Variants in PKD1L1 observed in about 807,000 individuals in gnomAD.
The protein encoded by PKD1L1 is polycystin 1 like 1, transient receptor potential channel interacting.
Under a neutral mutation model 323.4 loss-of-function variants are expected in PKD1L1, and 236 were observed. That is an observed-to-expected ratio of 0.73 (90% CI 0.66 to 0.81). The LOEUF (loss-of-function observed/expected upper bound fraction) is 0.81, where lower values mean the gene tolerates loss of function less well. Among genes scored for constraint, PKD1L1 ranks in the 40% least tolerant of loss-of-function variants. The pLI, the probability that PKD1L1 is intolerant of heterozygous loss-of-function variation, is 0.00. For synonymous variants in PKD1L1, 1,344 were observed against 1,335.0 expected (o/e 1.01, Z -0.15); for missense variants, 3,320 against 3,508.0 (o/e 0.95, Z 1.35).
chr7:47,890,712 G>A lies in PKD1L1; in HGVS notation c.2505C>T (p.Asp835=). The A allele has an allele frequency of 6.2e-7, 1 of 1,613,432 alleles. No individual in the cohort carries two copies. Among genetic ancestry groups the A allele is most frequent in the Non-Finnish European group, 8.5e-7 (1 of 1,180,042 alleles). The change falls in exon 16 of 57, where the codon GAC becomes GAT. Residue 835 remains aspartate, a synonymous_variant. Coordinates refer to ENST00000289672, the MANE Select transcript of PKD1L1 (RefSeq NM_138295.5). ...CATCCAGTTGGTGTGCAGTGGAGGA[G>A]TCGAAGCAGGGATGTGCTGGGGAGC... ...TAGSPAHPCF[D]SSTAHQLDAA...
intron 21 of PKD1L1, 107 bp from the exon 22 acceptor site, chr7:47,877,738 TC>T: frequency 7.6e-7 from 1 of 1,322,248 alleles, no homozygotes; most frequent in Non-Finnish European, 1.0e-6. Flanking sequence ...CAAAGTAGGG[TC>T]CCCAGACCAG....
chr7:47,835,937 T>C (rs958057115), intron 37 of PKD1L1, among the ~76,000 whole-genome samples: 1 of 152,158 alleles, frequency 6.6e-6, no homozygotes, highest in Non-Finnish European at 1.5e-5. Context: ...ATGGATGGAA[T>C]CATGGCTACA....
In PKD1L1 at chr7:47,874,846, T is replaced by G. The variant is rs569752969; in HGVS notation, c.3785-836A>C. ...AGTATTTACTATATTGTATTTATTTTGCTTATGTTCGCCCCCTTACAAATC... is the reference window on the plus strand; with the variant it reads ...AGTATTTACTATATTGTATTTATTTGGCTTATGTTCGCCCCCTTACAAATC... On this transcript the variant is annotated intron_variant, in intron 23 of 56. Transcript: ENST00000289672. 2.0e-5 allele frequency among the ~76,000 whole-genome samples: 3 copies of G among 152,340 alleles called. No homozygotes were observed. The South Asian group carries it at 6.2e-4, about 32-fold the overall frequency.
intron 7 of PKD1L1, among the ~76,000 whole-genome samples, chr7:47,923,192 T>TGCGGAAG (rs1038054083): frequency 7.2e-5 from 11 of 152,280 alleles, no homozygotes; most frequent in African/African-American, 2.6e-4. Flanking sequence ...ACACAAACAC[T>TGCGGAAG]GCGGAAGGCG....
At chr7:47,822,605 A>AC (rs1235288887) in intron 45 of PKD1L1, among the ~76,000 whole-genome samples, 12 of 151,182 alleles carry the variant, frequency 7.9e-5, no homozygotes, top group Non-Finnish European at 1.3e-4. Context: ...AAAAAAAAAA[A>AC]AAAAAAAAAA....
chr7:47,874,126 G>C, intron 23 of PKD1L1, 116 bp from the exon 24 acceptor site: 1 of 670,956 alleles, frequency 1.5e-6, no homozygotes, highest in Non-Finnish European at 2.5e-6. Context: ...GCTGACAAAG[G>C]GGCCAGGCTC....
chr7:47,951,133 G>A (rs1043602358), upstream of PKD1L1, among the ~76,000 whole-genome samples: 2 of 152,176 alleles, frequency 1.3e-5, no homozygotes, highest in African/African-American at 4.8e-5. Context: ...ATAAAATTAG[G>A]TAAATGGCTT....
In PKD1L1 at chr7:47,839,391, C is replaced by T; in HGVS notation, c.5769+55G>A. 2 of 1,445,756 alleles carry T rather than the reference C, an allele frequency of 1.4e-6. No individual in the cohort carries two copies. The highest frequency in any genetic ancestry group is 1.9e-6 in the Non-Finnish European group (2 of 1,052,746). 89.6% of individuals were successfully genotyped at this position (1,445,756 alleles called of 1,614,324 possible). A position where few individuals can be genotyped will look rare whatever the true frequency, so the allele number is the denominator to read the frequency against. Reference sequence around the variant, plus strand: ...TGGCAAGCGAAGCAGAGACAGGTGCCATGCTCTGCCGGTCAGCCAGGTGCG... The same window carrying T: ...TGGCAAGCGAAGCAGAGACAGGTGCTATGCTCTGCCGGTCAGCCAGGTGCG... On this transcript the variant is annotated intron_variant, in intron 36 of 56. Coordinates refer to ENST00000289672, the MANE Select transcript of PKD1L1 (RefSeq NM_138295.5). The surrounding 1 kb of genome is among the most constrained non-coding windows in gnomAD (Gnocchi z 4.3).
At position 47,857,722 on chromosome 7, in the gene PKD1L1, T is replaced by A. The variant is rs1785935216; in HGVS notation, c.4473A>T (p.Leu1491Phe). 1 of 1,613,802 alleles carries A rather than the reference T, an allele frequency of 6.2e-7. No homozygotes were observed. The highest frequency in any genetic ancestry group is 1.7e-5 in the Admixed American group (1 of 59,978). ...GACTGTGCCCAGCAAGGTCACCAGG[T>A]AAATGCACCTGGACAGATCCCAGGC... ...VQSLGSVQVH[L>F]PGDLAGHSPA... Residue 1491 changes from leucine (L) to phenylalanine (F), a missense_variant, in exon 28 of 57, where the codon TTA becomes TTT. By Grantham distance (22) the Leu-to-Phe change is conservative. Transcript: ENST00000289672.
Position 47,931,206 on chromosome 7 carries a change from GT to G in PKD1L1, c.634del (p.Thr212LeufsTer71). The G allele has an allele frequency of 6.2e-7, 1 of 1,614,202 alleles. No individual in the cohort carries two copies. Among genetic ancestry groups the G allele is most frequent in the Non-Finnish European group, 8.5e-7 (1 of 1,180,038 alleles). On this transcript the variant is annotated frameshift_variant, in exon 6 of 57. Coordinates refer to ENST00000289672, the MANE Select transcript of PKD1L1 (RefSeq NM_138295.5). LOFTEE classifies it high-confidence loss of function. The stretch of plus-strand genomic sequence containing the variant: ...CTTGGTGGGGGTCTCCATCGTGACA[GT>G]CCCAGGAAGCAGCCCCGTGGCCACA... ...EDVATGLLPG[T>X]VTMETPTKVA...
At chr7:47,954,952 A>T in the PKD1L1 span, among the ~76,000 whole-genome samples, 6 of 152,248 alleles carry the variant, frequency 3.9e-5, no homozygotes, top group African/African-American at 1.4e-4. Flanking sequence ...AATAGGAACT[A>T]GATTCCAGGA....
At chr7:47,903,328 G>A (rs541505540) in intron 12 of PKD1L1, among the ~76,000 whole-genome samples, 4 of 152,148 alleles carry the variant, frequency 2.6e-5, no homozygotes, top group South Asian at 2.1e-4. Context: ...TTGTCAGAGC[G>A]CCCAGGGCAC....
intron 46 of PKD1L1, among the ~76,000 whole-genome samples, chr7:47,816,391 A>G (rs983847623): frequency 6.6e-6 from 1 of 152,356 alleles, no homozygotes; most frequent in South Asian, 2.1e-4. Context: ...ATAAAGCCAC[A>G]TGCACAGGCC....
At chr7:47,782,980 G>T (rs979520831) in intron 56 of PKD1L1, among the ~76,000 whole-genome samples, 2 of 152,074 alleles carry the variant, frequency 1.3e-5, no homozygotes, top group African/African-American at 4.8e-5. Context: ...ACATGGATGA[G>T]GTATGTCTTT....
At chr7:47,916,570 G>T (rs939228087) in intron 7 of PKD1L1, among the ~76,000 whole-genome samples, 7 of 152,188 alleles carry the variant, frequency 4.6e-5, no homozygotes, top group African/African-American at 1.7e-4. Flanking sequence ...TAAGTGGATT[G>T]CTCCTGCAGG....
chr7:47,813,906 A>T (rs1562942530), intron 48 of PKD1L1, 25 bp downstream of exon 48: 9 of 1,596,614 alleles, frequency 5.6e-6, no homozygotes, highest in Non-Finnish European at 6.9e-6. Flanking sequence ...TATTCTTGGA[A>T]GCAAAAGGAA....
chr7:47,959,749 G>A, the PKD1L1 span, among the ~76,000 whole-genome samples: 3 of 139,280 alleles, frequency 2.2e-5, no homozygotes, highest in East Asian at 2.3e-4. Context: ...GGGAGGTGGA[G>A]GGGTCAGCCC....
chr7:47,855,248 G>GCC lies in PKD1L1; in HGVS notation c.4606_4607dup (p.Leu1537AlafsTer18). On this transcript the variant is annotated frameshift_variant, in exon 29 of 57. Transcript: ENST00000289672. LOFTEE classifies it high-confidence loss of function. ...TGCTGGAGCAGGTATAGAGGTTGAG[G>GCC]CCCACAACTCCACCAATCTTGGGGA... 6.2e-7 allele frequency: 1 copy of GCC among 1,612,890 alleles called. No homozygotes were observed. The highest frequency in any genetic ancestry group is 8.5e-7 in the Non-Finnish European group (1 of 1,179,232).
chr7:47,835,413 T>C (rs1027492112), intron 37 of PKD1L1, among the ~76,000 whole-genome samples, 170 bp from the exon 38 acceptor site: 1 of 152,200 alleles, frequency 6.6e-6, no homozygotes, highest in African/African-American at 2.4e-5. Context: ...GATTGATTGA[T>C]TGATTGAGAT....
Sources: gnomAD v4.1 joint callset for allele counts (sites outside exome capture counted in the v4.1 genomes callset) on GRCh38, gnomAD v4.1.1 for gene constraint, Gnocchi (gnomAD v3.1) non-coding constraint, MANE v1.5 for transcripts, NCBI Gene and HGNC (gene_info 2026-07-23, HGNC 2026-07-21) for gene names.